TMEM132D: variants seen among roughly 807,000 people sequenced by gnomAD.
TMEM132D encodes the protein transmembrane protein 132D, also known as mature OL transmembrane protein.
TMEM132D carries 21 observed loss-of-function variants against 62.3 expected under a neutral mutation model. The ratio of observed to expected loss-of-function variants is 0.34; its 90% CI spans 0.24 to 0.49. The LOEUF is 0.49. TMEM132D is among the 20% of genes least tolerant of loss of function. The pLI is 0.99. For missense variants in TMEM132D, 1,346 were observed against 1,402.8 expected, an observed-to-expected ratio of 0.96 and a Z score of 0.65; for synonymous variants, 621 against 575.6, an observed-to-expected ratio of 1.08 and a Z score of -1.13.
chr12:129,123,145 T>G (rs2135656330), intron 5 of TMEM132D, among the ~76,000 whole-genome samples: 1 of 152,350 alleles, frequency 6.6e-6, no homozygotes, highest in South Asian at 2.1e-4. Flanking sequence ...AAAAATGAGC[T>G]ATCTTTCAGT....
chr12:129,492,974 A>ACCCCG (rs1874845251), intron 3 of TMEM132D, among the ~76,000 whole-genome samples: 1 of 151,924 alleles, frequency 6.6e-6, no homozygotes, highest in African/African-American at 2.4e-5. Flanking sequence ...GCGCCAAGTC[A>ACCCCG]CCCCGCGGAA....
chr12:129,678,218 T>G (rs541313069), intron 2 of TMEM132D, among the ~76,000 whole-genome samples: 1 of 152,278 alleles, frequency 6.6e-6, no homozygotes, highest in African/African-American at 2.4e-5. Context: ...CACCAGGTCA[T>G]TCCCAATTAT....
chr12:129,545,525 G>T (rs1365677686), intron 2 of TMEM132D, among the ~76,000 whole-genome samples: 1 of 152,068 alleles, frequency 6.6e-6, no homozygotes, highest in Non-Finnish European at 1.5e-5. Context: ...GTAGAGTATT[G>T]CTGACTATAG....
At chr12:129,281,841 C>T (rs1409320987) in intron 4 of TMEM132D, among the ~76,000 whole-genome samples, 1 of 149,628 alleles carries the variant, frequency 6.7e-6, no homozygotes, top group Non-Finnish European at 1.5e-5. Flanking sequence ...CCTCAAACCT[C>T]CTCAAACTAC....
chr12:129,676,369 T>C (rs917804577), intron 2 of TMEM132D, among the ~76,000 whole-genome samples: 2 of 152,212 alleles, frequency 1.3e-5, no homozygotes, highest in Non-Finnish European at 2.9e-5. Context: ...TCTAATTTAA[T>C]CTATCATCTA....
chr12:129,368,245 ATGTG>A (rs34221350), intron 3 of TMEM132D, among the ~76,000 whole-genome samples: 7,886 of 151,354 alleles, frequency 0.052, 410 homozygotes, highest in East Asian at 0.21. Context: ...CATATGCAAA[ATGTG>A]TGTGTGTGTG....
intron 1 of TMEM132D, among the ~76,000 whole-genome samples, chr12:129,705,526 T>A (rs1223349306): frequency 6.6e-6 from 1 of 152,234 alleles, no homozygotes; most frequent in African/African-American, 2.4e-5. Flanking sequence ...ATGTTCTAAC[T>A]GAACAATTAT....
At chr12:129,409,396 A>G (rs1340099072) in intron 3 of TMEM132D, among the ~76,000 whole-genome samples, 1 of 152,218 alleles carries the variant, frequency 6.6e-6, no homozygotes, top group African/African-American at 2.4e-5. Context: ...ACACACATGC[A>G]CGCACGCGCC....
intron 3 of TMEM132D, among the ~76,000 whole-genome samples, chr12:129,415,065 C>T (rs1037392159): frequency 6.6e-6 from 1 of 152,200 alleles, no homozygotes; most frequent in Non-Finnish European, 1.5e-5. Context: ...GCATCATCCA[C>T]TGATGGGCAC....
chr12:129,819,417 G>A (rs1008441699), intron 1 of TMEM132D, among the ~76,000 whole-genome samples: 15 of 152,222 alleles, frequency 9.9e-5, no homozygotes, highest in Admixed American at 7.2e-4. Context: ...CTGCTAGGTC[G>A]GGGAGTCGCT....
chr12:129,809,552 A>C (rs1438307808), intron 1 of TMEM132D, among the ~76,000 whole-genome samples: 1 of 152,242 alleles, frequency 6.6e-6, no homozygotes, highest in Non-Finnish European at 1.5e-5. Flanking sequence ...CTTTGCGCTA[A>C]GATTTAGCTT....
chr12:129,700,846 A>G, intron 1 of TMEM132D, 148 bp from the exon 2 acceptor site: 1 of 878,892 alleles, frequency 1.1e-6, no homozygotes, highest in South Asian at 2.2e-5. Flanking sequence ...AATCCAATCT[A>G]CTCGCTTCAT....
chr12:129,592,511 T>C (rs1297833653), intron 2 of TMEM132D, among the ~76,000 whole-genome samples: 1 of 152,240 alleles, frequency 6.6e-6, no homozygotes, highest in Non-Finnish European at 1.5e-5. Flanking sequence ...TGTACACACA[T>C]ACAATATGAT....
intron 7 of TMEM132D, among the ~76,000 whole-genome samples, chr12:129,080,017 C>T (rs1057241905): frequency 2.6e-5 from 4 of 152,124 alleles, no homozygotes; most frequent in African/African-American, 4.8e-5. Context: ...ATTCTCATCT[C>T]GCTGTGAGTT....
chr12:129,569,082 T>C (rs993872176), intron 2 of TMEM132D, among the ~76,000 whole-genome samples: 2 of 152,172 alleles, frequency 1.3e-5, no homozygotes, highest in Admixed American at 1.3e-4. Flanking sequence ...CCCTGGAATA[T>C]CTTAGTGTGA....
intron 1 of TMEM132D, among the ~76,000 whole-genome samples, chr12:129,869,302 A>G (rs1874168761): frequency 6.6e-6 from 1 of 152,050 alleles, no homozygotes. Flanking sequence ...AATTACCTGC[A>G]TTTTCAGCTT....
At chr12:129,621,757 C>G (rs1373810213) in intron 2 of TMEM132D, among the ~76,000 whole-genome samples, 1 of 152,164 alleles carries the variant, frequency 6.6e-6, no homozygotes, top group Non-Finnish European at 1.5e-5. Flanking sequence ...AACAAAGAGT[C>G]TGAGGCACAG....
chr12:129,860,191 C>T (rs1873846409), intron 1 of TMEM132D, among the ~76,000 whole-genome samples: 1 of 152,172 alleles, frequency 6.6e-6, no homozygotes, highest in Non-Finnish European at 1.5e-5. Flanking sequence ...GAGAATGCAA[C>T]TGGCTAAGAA....
At chr12:129,569,611 C>A (rs187981172) in intron 2 of TMEM132D, among the ~76,000 whole-genome samples, 3 of 152,092 alleles carry the variant, frequency 2.0e-5, no homozygotes, top group African/African-American at 7.2e-5. Flanking sequence ...ATTTTCACAA[C>A]GTAATTTGCA....
Sources: gnomAD v4.1 joint callset for allele counts (sites outside exome capture counted in the v4.1 genomes callset) on GRCh38, gnomAD v4.1.1 for gene constraint, MANE v1.5 for transcripts, NCBI Gene and HGNC (gene_info 2026-07-23, HGNC 2026-07-21) for gene names.